The following KIF26B variants were observed in gnomAD, a reference collection of about 807,000 sequenced individuals.
KIF26B encodes the protein kinesin-like protein KIF26B.
KIF26B carries 63 observed loss-of-function variants against 151.2 expected under a neutral mutation model. That is an observed-to-expected ratio of 0.42 (90% CI 0.34 to 0.51). The LOEUF is 0.51. Ranked by LOEUF, KIF26B falls within the 20% of genes least tolerant of loss-of-function variation. KIF26B has a pLI of 0.07. For missense variants in KIF26B, 2,813 were observed against 2,913.6 expected (o/e 0.97, Z 0.79); for synonymous variants, 1,357 against 1,262.1 (o/e 1.08, Z -1.59).
At chr1:245,438,600 C>A (rs932015383) in intron 4 of KIF26B, among the ~76,000 whole-genome samples, 1 of 152,070 alleles carries the variant, frequency 6.6e-6, no homozygotes, top group Non-Finnish European at 1.5e-5. Flanking sequence ...CGTGAATGTT[C>A]ATGGCAGTGT....
Position 245,556,348 on chromosome 1 carries a change from T to TCCTCCTCCTCCCTC in KIF26B, c.1350+15409_1350+15410insCTCCCTCCTCCTCC, listed in dbSNP as rs1553288006. 9.3e-4 allele frequency among the ~76,000 whole-genome samples: 103 copies of TCCTCCTCCTCCCTC among 110,402 alleles called. 3 individuals carry two copies. Among genetic ancestry groups the TCCTCCTCCTCCCTC allele is most frequent in the African/African-American group, 3.0e-3 (96 of 32,408 alleles). The allele number at this position is 110,402 out of a possible 152,430, so 72.4% of individuals were successfully genotyped here. Reference sequence around the variant, plus strand: ...TTCCTCCTTCTTCCTCCTTCCTCCCTCCTCCTCCTCCTCCTTCTTCTTCTT... The same window carrying TCCTCCTCCTCCCTC: ...TTCCTCCTTCTTCCTCCTTCCTCCCTCCTCCTCCTCCCTCCCTCCTCCTCCTCCTTCTTCTTCTT... On this transcript the variant is annotated intron_variant, in intron 5 of 14. Transcript: ENST00000407071.
chr1:245,604,963 G>T (rs2043435064), intron 6 of KIF26B, among the ~76,000 whole-genome samples: 1 of 152,186 alleles, frequency 6.6e-6, no homozygotes, highest in Non-Finnish European at 1.5e-5. Flanking sequence ...CTTGTTCAAA[G>T]TCCCTTTCCC....
intron 5 of KIF26B, among the ~76,000 whole-genome samples, chr1:245,595,022 G>A (rs375318798): frequency 5.9e-5 from 9 of 152,208 alleles, no homozygotes; most frequent in Non-Finnish European, 7.3e-5. Context: ...TTTGTATCCT[G>A]TGACTTTCCT....
intron 2 of KIF26B, among the ~76,000 whole-genome samples, chr1:245,271,865 C>T (rs1670861509): frequency 6.6e-6 from 1 of 152,092 alleles, no homozygotes; most frequent in Non-Finnish European, 1.5e-5. Flanking sequence ...ATGCTAGCCT[C>T]AAAAAACAAG....
intron 2 of KIF26B, among the ~76,000 whole-genome samples, chr1:245,348,263 A>C (rs1250162442): frequency 6.6e-6 from 1 of 152,186 alleles, no homozygotes; most frequent in Non-Finnish European, 1.5e-5. Context: ...TCCCTATGCC[A>C]TCCCTCCCAG....
At chr1:245,315,747 G>A (rs535678387) in intron 2 of KIF26B, among the ~76,000 whole-genome samples, 10 of 151,786 alleles carry the variant, frequency 6.6e-5, no homozygotes, top group African/African-American at 2.4e-4. Flanking sequence ...AATATCAGTC[G>A]GGTGTGGTGG....
chr1:245,626,290 T>A (rs1404039755), intron 9 of KIF26B, among the ~76,000 whole-genome samples: 1 of 152,210 alleles, frequency 6.6e-6, no homozygotes, highest in Non-Finnish European at 1.5e-5. Context: ...GTTTTAGTTT[T>A]TTTTTGAGAA....
At chr1:245,233,442 A>G (rs1670038685) in intron 2 of KIF26B, among the ~76,000 whole-genome samples, 1 of 152,206 alleles carries the variant, frequency 6.6e-6, no homozygotes, top group African/African-American at 2.4e-5. Flanking sequence ...CCTGAGGACC[A>G]GTGGAAAGAT....
intron 5 of KIF26B, among the ~76,000 whole-genome samples, chr1:245,545,802 A>AGGCAAC (rs1661729618): frequency 6.6e-6 from 1 of 151,288 alleles, no homozygotes; most frequent in Non-Finnish European, 1.5e-5. Flanking sequence ...CTCCTAAGTC[A>AGGCAAC]GTTCTTCATG....
chr1:245,687,101 C>T lies in KIF26B; in HGVS notation c.4118C>T (p.Ser1373Phe). 6 of 1,613,470 alleles carry T rather than the reference C, an allele frequency of 3.7e-6. No homozygotes were observed. In the South Asian group the frequency reaches 6.6e-5, roughly 18 times the overall value. Reference sequence around the variant, plus strand: ...GTGAGCAAGGCCATGGTCACCATCTCCAACACGGCCAATCTGAGCAGCTGC... The same window carrying T: ...GTGAGCAAGGCCATGGTCACCATCTTCAACACGGCCAATCTGAGCAGCTGC... ...STVSKAMVTI[S>F]NTANLSSCEG... Residue 1373 changes from serine (S) to phenylalanine (F), a missense_variant, in exon 12 of 15, where the codon TCC becomes TTC. Ser to Phe is a radical substitution (Grantham distance 155). This residue lies in a region of KIF26B where 2,060 missense variants were observed against 2,088.6 expected (regional missense o/e 0.99). Coordinates refer to ENST00000407071, the MANE Select transcript of KIF26B (RefSeq NM_018012.4). This position sits in a 1 kb window ranked among gnomAD's most constrained non-coding sequence, Gnocchi z 4.9.
At chr1:245,683,601 T>C (rs554033899) in intron 10 of KIF26B, among the ~76,000 whole-genome samples, 1 of 152,328 alleles carries the variant, frequency 6.6e-6, no homozygotes, top group African/African-American at 2.4e-5. Context: ...TGCTGCTTTC[T>C]GTTGTGGATA....
At chr1:245,304,448 G>T (rs929605059) in intron 2 of KIF26B, among the ~76,000 whole-genome samples, 3 of 152,178 alleles carry the variant, frequency 2.0e-5, no homozygotes, top group Non-Finnish European at 4.4e-5. Flanking sequence ...ACAAAATGCA[G>T]TTGGTATCAT....
Position 245,564,377 on chromosome 1 carries a change from AG to A in KIF26B, c.1350+23428del. ...TCTACGACACGGAGACCTTTCCCGG[AG>A]CAGGAACGGGGCCACGGCCGTGTTT... On this transcript the variant is annotated intron_variant, in intron 5 of 14. Transcript: ENST00000407071. This position sits in a 1 kb window ranked among gnomAD's most constrained non-coding sequence, Gnocchi z 4.6. Among the ~76,000 whole-genome samples, 1 of 152,106 alleles carries A rather than the reference AG, an allele frequency of 6.6e-6. No individual in the cohort carries two copies. Among genetic ancestry groups the A allele is most frequent in the East Asian group, 1.9e-4 (1 of 5,170 alleles).
chr1:245,620,996 A>T (rs1039018123), intron 9 of KIF26B, among the ~76,000 whole-genome samples: 2 of 152,124 alleles, frequency 1.3e-5, no homozygotes, highest in African/African-American at 4.8e-5. Flanking sequence ...GACCCAGAGC[A>T]TTGCTGAACC....
intron 2 of KIF26B, among the ~76,000 whole-genome samples, chr1:245,184,050 G>GTTTTTTGTTTTTTGTTTTTTTTTT (rs1553332272): frequency 2.0e-4 from 4 of 19,804 alleles, no homozygotes; most frequent in Non-Finnish European, 2.0e-4. Flanking sequence ...GGGAGTTGTT[G>GTTTTTTGTTTTTTGTTTTTTTTTT]TTTTTTTTTT....
At chr1:245,673,360 C>A (rs1250851858) in intron 10 of KIF26B, among the ~76,000 whole-genome samples, 2 of 117,422 alleles carry the variant, frequency 1.7e-5, no homozygotes, top group Non-Finnish European at 3.5e-5. Context: ...GCGCTGCCAT[C>A]TTAGGCCCAG....
intron 3 of KIF26B, among the ~76,000 whole-genome samples, chr1:245,369,197 GAC>G (rs1448812143): frequency 1.4e-5 from 2 of 143,948 alleles, no homozygotes; most frequent in Non-Finnish European, 3.0e-5. Flanking sequence ...GAGAGAGAGA[GAC>G]AGACAGACAG....
intron 2 of KIF26B, among the ~76,000 whole-genome samples, chr1:245,329,961 G>A (rs1035328533): frequency 1.2e-4 from 18 of 152,046 alleles, no homozygotes; most frequent in Non-Finnish European, 2.2e-4. Context: ...TACAGCTACC[G>A]TGTCTGGCTA....
Position 245,239,216 on chromosome 1 carries a change from T to G in KIF26B, c.465+82533T>G, listed in dbSNP as rs906523601. 6.6e-6 allele frequency among the ~76,000 whole-genome samples: 1 copy of G among 152,206 alleles called. No homozygotes were observed. The highest frequency in any genetic ancestry group is 6.5e-5 in the Admixed American group (1 of 15,276). On this transcript the variant is annotated intron_variant, in intron 2 of 14. Transcript: ENST00000407071. This position sits in a 1 kb window ranked among gnomAD's most constrained non-coding sequence, Gnocchi z 4.3. The stretch of plus-strand genomic sequence containing the variant: ...GCGTCCTCCAGAGAATGCCTCCATG[T>G]TCTTCCGTCATCCGTGCAGATATCA...
Sources: allele counts gnomAD v4.1 joint callset (sites outside exome capture counted in the v4.1 genomes callset), GRCh38; gene constraint gnomAD v4.1.1; regional missense constraint gnomAD v4.1.1; non-coding constraint Gnocchi (gnomAD v3.1); transcripts MANE v1.5; gene names NCBI Gene and HGNC (gene_info 2026-07-23, HGNC 2026-07-21).